CCSER1: variants seen among roughly 807,000 people sequenced by gnomAD.
CCSER1 encodes the protein coiled-coil serine rich protein 1.
A neutral mutation model predicts 82.0 loss-of-function variants in CCSER1; 41 were observed. The ratio of observed to expected loss-of-function variants is 0.50; its 90% confidence interval spans 0.39 to 0.65. The LOEUF (loss-of-function observed/expected upper bound fraction) is 0.65. Ranked by LOEUF, CCSER1 falls within the 30% of genes least tolerant of loss-of-function variation. The pLI is 0.00. For synonymous variants in CCSER1, 414 were observed against 383.9 expected (o/e 1.08, Z -0.92); for missense variants, 1,119 against 1,064.2 (o/e 1.05, Z -0.72).
intron 10 of CCSER1, among the ~76,000 whole-genome samples, chr4:91,228,669 C>T (rs1246426587): frequency 6.6e-6 from 1 of 151,974 alleles, no homozygotes; most frequent in Non-Finnish European, 1.5e-5. Context: ...GGACTATAAA[C>T]ACTTTTGTAT....
intron 10 of CCSER1, among the ~76,000 whole-genome samples, chr4:91,422,376 G>A (rs992519647): frequency 2.0e-5 from 3 of 152,018 alleles, no homozygotes; most frequent in Non-Finnish European, 2.9e-5. Context: ...TGATGATTCC[G>A]GCTTAGACTG....
At chr4:90,986,997 A>G (rs1376756693) in intron 9 of CCSER1, among the ~76,000 whole-genome samples, 1 of 151,564 alleles carries the variant, frequency 6.6e-6, no homozygotes, top group East Asian at 2.0e-4. Flanking sequence ...AGATGGTCAT[A>G]AGTGAAGTCT....
intron 10 of CCSER1, among the ~76,000 whole-genome samples, chr4:91,331,974 T>C (rs1197459259): frequency 6.6e-6 from 1 of 152,104 alleles, no homozygotes; most frequent in East Asian, 1.9e-4. Flanking sequence ...TACATATACA[T>C]ATCACAATGA....
intron 10 of CCSER1, among the ~76,000 whole-genome samples, chr4:91,113,196 A>G (rs1726235166): frequency 6.6e-6 from 1 of 152,184 alleles, no homozygotes. Context: ...GATTTAAGAG[A>G]CTTAAGTACA....
At chr4:90,239,443 A>C (rs1367476295) in intron 1 of CCSER1, among the ~76,000 whole-genome samples, 2 of 152,200 alleles carry the variant, frequency 1.3e-5, no homozygotes, top group Admixed American at 6.5e-5. Context: ...ATTCAAAATA[A>C]CTCATTTACT....
chr4:90,230,306 G>T (rs1744200639), intron 1 of CCSER1, among the ~76,000 whole-genome samples: 1 of 152,140 alleles, frequency 6.6e-6, no homozygotes, highest in Admixed American at 6.5e-5. Flanking sequence ...TAGAACTCAG[G>T]ATGAAGAAAC....
intron 7 of CCSER1, among the ~76,000 whole-genome samples, chr4:90,750,460 A>G (rs1748415336): frequency 6.6e-6 from 1 of 152,044 alleles, no homozygotes; most frequent in Non-Finnish European, 1.5e-5. Context: ...GTCCCAGAGT[A>G]AATGTGGGGT....
intron 3 of CCSER1, among the ~76,000 whole-genome samples, chr4:90,351,385 C>T (rs1743392740): frequency 6.6e-6 from 1 of 151,812 alleles, no homozygotes; most frequent in Non-Finnish European, 1.5e-5. Context: ...AGAGAGAAGT[C>T]AAAATATGAA....
chr4:90,292,194 A>G (rs912232120), intron 1 of CCSER1, among the ~76,000 whole-genome samples: 1 of 151,822 alleles, frequency 6.6e-6, no homozygotes, highest in Non-Finnish European at 1.5e-5. Context: ...CACTACATTT[A>G]TGTGTTAGTG....
intron 10 of CCSER1, among the ~76,000 whole-genome samples, chr4:91,519,237 G>A (rs1039590261): frequency 1.3e-5 from 2 of 152,186 alleles, no homozygotes; most frequent in African/African-American, 4.8e-5. Context: ...ACTGTACTGG[G>A]GGTCCGCTCT....
chr4:90,308,647 T>A lies in CCSER1; in HGVS notation c.363T>A (p.Ser121Arg). 6.2e-7 allele frequency: 1 copy of A among 1,613,712 alleles called. No individual in the cohort carries two copies. The highest frequency in any genetic ancestry group is 1.1e-5 in the South Asian group (1 of 91,072). The change falls in exon 2 of 11, where the codon AGT (serine) becomes AGA (arginine). Residue 121 changes from serine to arginine, a missense_variant. By Grantham distance (110) the Ser-to-Arg change is moderately radical. Coordinates refer to ENST00000509176, the MANE Select transcript of CCSER1 (RefSeq NM_001145065.2). ...GAAGACATTCTGTTGGTTTTAGTAG[T>A]TCACGAAATAAGAAGATAACAAGAT... ...TRGRHSVGFS[S>R]SRNKKITRSL...
intron 6 of CCSER1, among the ~76,000 whole-genome samples, chr4:90,702,529 A>G (rs938366560): frequency 3.3e-5 from 5 of 152,174 alleles, no homozygotes; most frequent in Admixed American, 6.5e-5. Context: ...ATTGATTGGA[A>G]TCATTTCAGA....
chr4:90,532,796 C>T (rs999658360), intron 5 of CCSER1, among the ~76,000 whole-genome samples: 21 of 151,984 alleles, frequency 1.4e-4, no homozygotes, highest in African/African-American at 2.2e-4. Flanking sequence ...ATCTCTAGAC[C>T]GTCCCACTAT....
At chr4:90,907,032 T>G (rs1340311553) in intron 8 of CCSER1, among the ~76,000 whole-genome samples, 1 of 152,142 alleles carries the variant, frequency 6.6e-6, no homozygotes, top group Non-Finnish European at 1.5e-5. Flanking sequence ...CTATCCTAAC[T>G]TGTATTGGAA....
At chr4:90,541,278 GA>G (rs1192008774) in intron 5 of CCSER1, among the ~76,000 whole-genome samples, 1 of 152,030 alleles carries the variant, frequency 6.6e-6, no homozygotes, top group African/African-American at 2.4e-5. Flanking sequence ...CCAAATGTAA[GA>G]GAGAATGAAT....
intron 6 of CCSER1, among the ~76,000 whole-genome samples, chr4:90,645,778 A>G (rs1310480726): frequency 6.6e-6 from 1 of 152,198 alleles, no homozygotes. Context: ...GTTTTGAACC[A>G]AAAGCCAATT....
At chr4:90,436,717 T>C (rs1759042130) in intron 4 of CCSER1, among the ~76,000 whole-genome samples, 1 of 152,168 alleles carries the variant, frequency 6.6e-6, no homozygotes. Flanking sequence ...TGTAAGAGTA[T>C]ATGACATATA....
intron 9 of CCSER1, among the ~76,000 whole-genome samples, chr4:91,085,254 G>A (rs1001280849): frequency 6.6e-6 from 1 of 151,914 alleles, no homozygotes; most frequent in Non-Finnish European, 1.5e-5. Flanking sequence ...CTTAATGATA[G>A]TGTGAACATT....
intron 8 of CCSER1, among the ~76,000 whole-genome samples, chr4:90,867,100 C>G (rs1192219086): frequency 6.6e-6 from 1 of 151,992 alleles, no homozygotes; most frequent in Non-Finnish European, 1.5e-5. Flanking sequence ...CTTGCCCTCC[C>G]CAGCTCTCCC....
Sources: gnomAD v4.1 joint callset for allele counts (sites outside exome capture counted in the v4.1 genomes callset) on GRCh38, gnomAD v4.1.1 for gene constraint, MANE v1.5 for transcripts, NCBI Gene and HGNC (gene_info 2026-07-23, HGNC 2026-07-21) for gene names.